TFEB: variants seen among roughly 807,000 people sequenced by gnomAD.
The protein encoded by TFEB is transcription factor EB.
TFEB carries 12 observed loss-of-function variants against 48.0 expected under a neutral mutation model. That is an observed-to-expected ratio of 0.25 (90% CI 0.16 to 0.40). The LOEUF is 0.40. TFEB is among the 10% of genes least tolerant of loss of function. The pLI is 1.00. For missense variants in TFEB, 509 were observed against 640.3 expected, an observed-to-expected ratio of 0.79 and a Z score of 2.21; for synonymous variants, 244 against 261.4, an observed-to-expected ratio of 0.93 and a Z score of 0.64.
chr6:41,687,613 G>A, intron 6 of TFEB, 140 bp downstream of exon 6: 1 of 1,037,606 alleles, frequency 9.6e-7, no homozygotes, highest in Non-Finnish European at 1.5e-6. Context: ...GACAGCAATG[G>A]GAGGGCTTAA....
Position 41,714,373 on chromosome 6 carries a change from T to C in TFEB, c.-23+20977A>G, listed in dbSNP as rs183828897. Reference sequence around the variant, plus strand: ...CCAGATGAACAAACTGTAACTCACATTGGGGAAGTGTCTTTGTTCTAGATT... The same window carrying C: ...CCAGATGAACAAACTGTAACTCACACTGGGGAAGTGTCTTTGTTCTAGATT... On this transcript the variant is annotated intron_variant, in intron 1 of 8. Transcript: ENST00000373033. 6.3e-4 allele frequency among the ~76,000 whole-genome samples: 96 copies of C among 152,272 alleles called. 1 individual carries two copies. Among genetic ancestry groups the C allele is most frequent in the Middle Eastern group, 6.8e-3 (2 of 294 alleles).
At chr6:41,709,812 G>T (rs968269331) in intron 1 of TFEB, among the ~76,000 whole-genome samples, 1 of 151,970 alleles carries the variant, frequency 6.6e-6, no homozygotes, top group Non-Finnish European at 1.5e-5. Flanking sequence ...TTTGAGACAG[G>T]GTCTCACTCT....
chr6:41,723,839 A>G lies in TFEB; in HGVS notation c.-23+11511T>C. ...CCCCAGCCTGACCTCAGAGGGCCCT[A>G]GGCAGATGGAGAGACACAGAGCAGC... On this transcript the variant is annotated intron_variant, in intron 1 of 8. Transcript: ENST00000373033. The surrounding 1 kb of genome is among the most constrained non-coding windows in gnomAD (Gnocchi z 6.0). The G allele has an allele frequency of 2.2e-6, 1 of 456,140 alleles. No homozygotes were observed. Among genetic ancestry groups the G allele is most frequent in the Non-Finnish European group, 4.4e-6 (1 of 227,168 alleles). The allele number at this position is 456,140 out of a possible 1,614,324, so 28.3% of individuals were successfully genotyped here. A position where few individuals can be genotyped will look rare whatever the true frequency, so the allele number is the denominator to read the frequency against.
At chr6:41,718,917 G>C (rs565413813) in intron 1 of TFEB, among the ~76,000 whole-genome samples, 1 of 152,150 alleles carries the variant, frequency 6.6e-6, no homozygotes, top group African/African-American at 2.4e-5. Context: ...CTAGCACAGG[G>C]GTCCCCAGTC....
chr6:41,700,005 G>A (rs561012256), intron 1 of TFEB, among the ~76,000 whole-genome samples: 18 of 152,208 alleles, frequency 1.2e-4, no homozygotes, highest in East Asian at 7.7e-4. Context: ...GGTTCCCTCC[G>A]GGACCCTGTC....
chr6:41,732,062 T>C (rs1164566166), intron 1 of TFEB, among the ~76,000 whole-genome samples: 2 of 152,196 alleles, frequency 1.3e-5, no homozygotes, highest in African/African-American at 4.8e-5. Context: ...CAAATTCTTT[T>C]TTCAATTGAG....
In TFEB at chr6:41,723,509, C is replaced by T; in HGVS notation, c.-23+11841G>A. 1 of 1,289,228 alleles carries T rather than the reference C, an allele frequency of 7.8e-7. No homozygotes were observed. The highest frequency in any genetic ancestry group is 1.0e-6 in the Non-Finnish European group (1 of 988,716). The allele number at this position is 1,289,228 out of a possible 1,614,324, so 79.9% of individuals were successfully genotyped here. ...AGGAGGCCCCTGGAATGCTCAGCTCCTCCAGGGGCCGGAGCCCAGGGCCGC... is the reference window on the plus strand; with the variant it reads ...AGGAGGCCCCTGGAATGCTCAGCTCTTCCAGGGGCCGGAGCCCAGGGCCGC... On this transcript the variant is annotated intron_variant, in intron 1 of 8. Transcript: ENST00000373033. This position sits in a 1 kb window ranked among gnomAD's most constrained non-coding sequence, Gnocchi z 6.0.
At chr6:41,700,635 T>C (rs1378686397) in intron 1 of TFEB, among the ~76,000 whole-genome samples, 2 of 152,138 alleles carry the variant, frequency 1.3e-5, no homozygotes, top group Admixed American at 1.3e-4. Context: ...TGCGGGAGAC[T>C]GCAGGGCTGG....
chr6:41,697,427 A>AAAAAAAAAAAAAAAG (rs1769655029), intron 1 of TFEB, among the ~76,000 whole-genome samples: 8 of 145,196 alleles, frequency 5.5e-5, no homozygotes, highest in African/African-American at 2.1e-4. Context: ...AAAAAAAAAA[A>AAAAAAAAAAAAAAAG]GAATGAGGGC....
At chr6:41,693,307 A>T (rs1258820505) in intron 1 of TFEB, among the ~76,000 whole-genome samples, 1 of 152,188 alleles carries the variant, frequency 6.6e-6, no homozygotes, top group Admixed American at 6.5e-5. Flanking sequence ...TTATTTGAGC[A>T]TTTACTGTAT....
At chr6:41,700,310 CA>C (rs1769835579) in intron 1 of TFEB, among the ~76,000 whole-genome samples, 1 of 151,856 alleles carries the variant, frequency 6.6e-6, no homozygotes, top group Admixed American at 6.6e-5. Flanking sequence ...ACTAAAAATA[CA>C]AAAAATTAGC....
At chr6:41,692,673 C>T (rs966860238) in intron 1 of TFEB, among the ~76,000 whole-genome samples, 4 of 152,234 alleles carry the variant, frequency 2.6e-5, no homozygotes, top group Admixed American at 6.5e-5. Context: ...CCCTCTGAGC[C>T]TCCATCTCTC....
At chr6:41,705,357 A>G (rs1770156491) in intron 1 of TFEB, among the ~76,000 whole-genome samples, 1 of 152,120 alleles carries the variant, frequency 6.6e-6, no homozygotes, top group African/African-American at 2.4e-5. Context: ...TTAATTGGTC[A>G]CCTGCCTGCT....
chr6:41,699,123 G>A (rs1311596866), intron 1 of TFEB, among the ~76,000 whole-genome samples: 1 of 152,246 alleles, frequency 6.6e-6, no homozygotes, highest in East Asian at 1.9e-4. Context: ...GTCTGGGTAT[G>A]GCCTCAGTCT....
At position 41,691,278 on chromosome 6, in the gene TFEB, T is replaced by G; in HGVS notation, c.-22-43A>C. On this transcript the variant is annotated intron_variant, in intron 1 of 8. Coordinates refer to ENST00000373033, the MANE Select transcript of TFEB (RefSeq NM_001271944.2). The surrounding 1 kb of genome is among the most constrained non-coding windows in gnomAD (Gnocchi z 5.2). ...CAGCAGGTATATGAGGCACGTGTCC[T>G]CCTCAAAGCACAGGGGCTGGCAGGG... The G allele has an allele frequency of 6.5e-7, 1 of 1,540,942 alleles. No individual in the cohort carries two copies. The highest frequency in any genetic ancestry group is 8.8e-7 in the Non-Finnish European group (1 of 1,137,710).
intron 1 of TFEB, among the ~76,000 whole-genome samples, chr6:41,726,452 T>C (rs1387403986): frequency 6.6e-6 from 1 of 152,200 alleles, no homozygotes; most frequent in Non-Finnish European, 1.5e-5. Context: ...GGTTCACTTT[T>C]TTTTTTCTTT....
intron 7 of TFEB, 112 bp downstream of exon 7, chr6:41,686,982 T>C (rs1238443994): frequency 4.5e-6 from 4 of 886,090 alleles, no homozygotes; most frequent in African/African-American, 3.3e-5. Context: ...GATGAACTTC[T>C]AGAAGGAATT....
At chr6:41,706,186 C>T (rs1229023380) in intron 1 of TFEB, among the ~76,000 whole-genome samples, 5 of 152,226 alleles carry the variant, frequency 3.3e-5, no homozygotes, top group African/African-American at 1.2e-4. Context: ...CCAGGGGAAA[C>T]CAAGGCCTGC....
At chr6:41,707,147 C>G (rs1335363753) in intron 1 of TFEB, among the ~76,000 whole-genome samples, 1 of 152,176 alleles carries the variant, frequency 6.6e-6, no homozygotes, top group African/African-American at 2.4e-5. Context: ...ACCCAAGATG[C>G]TTGAGCTCAA....
Sources: gnomAD v4.1 joint callset for allele counts (sites outside exome capture counted in the v4.1 genomes callset) on GRCh38, gnomAD v4.1.1 for gene constraint, Gnocchi (gnomAD v3.1) non-coding constraint, MANE v1.5 for transcripts, NCBI Gene and HGNC (gene_info 2026-07-23, HGNC 2026-07-21) for gene names.